LUZP2: variants seen among roughly 807,000 people sequenced by gnomAD.
LUZP2 encodes the protein leucine zipper protein 2.
LUZP2 carries 52 observed loss-of-function variants against 51.6 expected under a neutral mutation model. That is an observed-to-expected ratio of 1.01 (90% CI 0.81 to 1.27). LUZP2 has a LOEUF of 1.27. LUZP2 is among the 50% of genes most tolerant of loss of function. The probability of loss-of-function intolerance (pLI) is 0.00; values close to 1 mark genes in which losing one functional copy is unlikely to be tolerated. For missense variants in LUZP2, 436 were observed against 395.4 expected (o/e 1.10, Z -0.87); for synonymous variants, 154 against 137.3 (o/e 1.12, Z -0.85).
chr11:24,533,069 G>A (rs865877866), intron 1 of LUZP2, among the ~76,000 whole-genome samples: 1 of 151,156 alleles, frequency 6.6e-6, no homozygotes, highest in African/African-American at 2.4e-5. Flanking sequence ...TGTATAATCA[G>A]AGCTTTCCAT....
At chr11:24,527,567 T>TCTCACACACA (rs796404136) in intron 1 of LUZP2, among the ~76,000 whole-genome samples, 56 of 131,642 alleles carry the variant, frequency 4.3e-4, no homozygotes, top group African/African-American at 1.5e-3. Context: ...TCTCTCTCTC[T>TCTCACACACA]CACACACACA....
chr11:24,628,800 C>A (rs2133921618), intron 1 of LUZP2, among the ~76,000 whole-genome samples: 1 of 152,206 alleles, frequency 6.6e-6, no homozygotes, highest in Non-Finnish European at 1.5e-5. Flanking sequence ...CTCAAGTGAT[C>A]CGCTCATTTT....
At chr11:24,859,791 C>T (rs963365001) in intron 5 of LUZP2, among the ~76,000 whole-genome samples, 10 of 152,338 alleles carry the variant, frequency 6.6e-5, no homozygotes, top group African/African-American at 1.7e-4. Flanking sequence ...AGTGAGCCCA[C>T]TATCCAGCAG....
chr11:24,598,821 C>T (rs1349370480), intron 1 of LUZP2, among the ~76,000 whole-genome samples: 2 of 152,120 alleles, frequency 1.3e-5, no homozygotes, highest in African/African-American at 4.8e-5. Flanking sequence ...TCTTTGCTTC[C>T]AGAAAAACAA....
At chr11:24,933,647 C>T (rs576548815) in intron 7 of LUZP2, among the ~76,000 whole-genome samples, 4 of 152,102 alleles carry the variant, frequency 2.6e-5, no homozygotes, top group Non-Finnish European at 5.9e-5. Context: ...TATAGATTTA[C>T]ATAAGGCCTT....
intron 1 of LUZP2, among the ~76,000 whole-genome samples, chr11:24,555,833 G>T (rs934427369): frequency 3.3e-5 from 5 of 152,082 alleles, no homozygotes; most frequent in Admixed American, 2.0e-4. Flanking sequence ...AAAAAAATTA[G>T]CTGGGCATAA....
intron 9 of LUZP2, among the ~76,000 whole-genome samples, chr11:25,044,255 GTGTATATATATATATA>G (rs1416774481): frequency 3.5e-4 from 15 of 42,378 alleles, no homozygotes; most frequent in African/African-American, 1.5e-3. Context: ...GTGTGTGTGT[GTGTATATATATATATA>G]TATATATATA....
chr11:24,741,114 A>G (rs1046630951), intron 4 of LUZP2, among the ~76,000 whole-genome samples: 1 of 151,874 alleles, frequency 6.6e-6, no homozygotes, highest in Non-Finnish European at 1.5e-5. Context: ...TATTTCCTCA[A>G]CTCTATTTAC....
chr11:24,587,751 G>A (rs1473115136), intron 1 of LUZP2, among the ~76,000 whole-genome samples: 2 of 151,992 alleles, frequency 1.3e-5, no homozygotes, highest in African/African-American at 4.8e-5. Context: ...CACAATCTCT[G>A]ACTTTAAGAG....
At chr11:24,695,691 GA>G (rs767849526) in intron 1 of LUZP2, among the ~76,000 whole-genome samples, 3 of 151,908 alleles carry the variant, frequency 2.0e-5, no homozygotes, top group African/African-American at 4.8e-5. Flanking sequence ...TACCTTTTGG[GA>G]AAGGAGGGAA....
At chr11:24,507,124 G>A (rs555051006) in intron 1 of LUZP2, among the ~76,000 whole-genome samples, 2 of 152,092 alleles carry the variant, frequency 1.3e-5, no homozygotes, top group African/African-American at 2.4e-5. Context: ...GTTTCTCCAA[G>A]TATGCTCCTC....
At chr11:24,820,720 A>C (rs1054770085) in intron 5 of LUZP2, among the ~76,000 whole-genome samples, 4 of 152,150 alleles carry the variant, frequency 2.6e-5, no homozygotes, top group African/African-American at 9.7e-5. Context: ...AGATTGCTCA[A>C]ATCTTTGGAT....
intron 1 of LUZP2, among the ~76,000 whole-genome samples, chr11:24,628,190 C>T (rs748478043): frequency 3.6e-5 from 5 of 139,390 alleles, no homozygotes; most frequent in South Asian, 2.3e-4. Context: ...TGCATACACA[C>T]GCACACACAC....
At chr11:24,954,289 G>A (rs1311054572) in intron 7 of LUZP2, among the ~76,000 whole-genome samples, 3 of 152,082 alleles carry the variant, frequency 2.0e-5, no homozygotes, top group African/African-American at 7.2e-5. Context: ...CTCGCAGGAG[G>A]TTGCCATGAA....
chr11:24,596,745 G>A (rs1853457187), intron 1 of LUZP2, among the ~76,000 whole-genome samples: 1 of 152,166 alleles, frequency 6.6e-6, no homozygotes, highest in African/African-American at 2.4e-5. Context: ...AAAAACTACA[G>A]TTCTTGGCTG....
chr11:24,593,956 G>A (rs922073434), intron 1 of LUZP2, among the ~76,000 whole-genome samples: 5 of 152,090 alleles, frequency 3.3e-5, no homozygotes, highest in East Asian at 1.9e-4. Flanking sequence ...TTAATCTTCC[G>A]GAGGGCAGGA....
At chr11:24,664,772 A>T (rs1051082874) in intron 1 of LUZP2, among the ~76,000 whole-genome samples, 9 of 152,172 alleles carry the variant, frequency 5.9e-5, no homozygotes, top group African/African-American at 2.2e-4. Context: ...CAGAAGTACA[A>T]AATTGAGGTT....
intron 9 of LUZP2, among the ~76,000 whole-genome samples, chr11:24,996,297 A>G (rs1041812036): frequency 4.0e-5 from 6 of 150,768 alleles, no homozygotes; most frequent in Non-Finnish European, 7.4e-5. Flanking sequence ...CCCTGTTCAT[A>G]TTTCCTCTAT....
intron 1 of LUZP2, among the ~76,000 whole-genome samples, chr11:24,573,394 A>T (rs1200226611): frequency 6.6e-6 from 1 of 152,038 alleles, no homozygotes; most frequent in African/African-American, 2.4e-5. Flanking sequence ...CTTTTATTTA[A>T]AGTTTTAAAA....
Sources: gnomAD v4.1 joint callset for allele counts (sites outside exome capture counted in the v4.1 genomes callset) on GRCh38, gnomAD v4.1.1 for gene constraint, MANE v1.5 for transcripts, NCBI Gene and HGNC (gene_info 2026-07-23, HGNC 2026-07-21) for gene names.